The following CD96 variants were observed in gnomAD, a reference collection of about 807,000 sequenced individuals.
CD96 encodes T-cell surface protein tactile.
A neutral mutation model predicts 71.3 loss-of-function variants in CD96; 70 were observed. The observed-to-expected ratio is 0.98, with a 90% confidence interval of 0.81 to 1.20. The LOEUF (loss-of-function observed/expected upper bound fraction) is 1.20, where lower values mean the gene tolerates loss of function less well. Among genes scored for constraint, CD96 ranks in the 50% most tolerant of loss-of-function variants. The probability of loss-of-function intolerance (pLI) is 0.00; values close to 1 mark genes in which losing one functional copy is unlikely to be tolerated. For synonymous variants in CD96, 248 were observed against 233.0 expected, an observed-to-expected ratio of 1.06 and a Z score of -0.59; for missense variants, 742 against 677.5, an observed-to-expected ratio of 1.10 and a Z score of -1.06.
In CD96 at chr3:111,572,784, C is replaced by T. The variant is rs1559728465; in HGVS notation, c.543+5137C>T. On this transcript the variant is annotated intron_variant, in intron 3 of 13. Transcript: ENST00000352690. ...GGAATTTTATAAAAGCTAATTAATT[C>T]AATTATGACCCTCATAGGAAAGGTT... Among the ~76,000 whole-genome samples the T allele has an allele frequency of 2.0e-5, 3 of 152,300 alleles. No homozygotes were observed. The South Asian group carries it at 6.2e-4, about 32-fold the overall frequency.
chr3:111,638,281 A>G, intron 12 of CD96, 113 bp downstream of exon 12: 1 of 767,260 alleles, frequency 1.3e-6, no homozygotes, highest in South Asian at 1.4e-5. Flanking sequence ...TACAGTGAAC[A>G]CACTGGCTTT....
chr3:111,595,242 C>G (rs1937201069), intron 5 of CD96: 1 of 152,232 alleles, frequency 6.6e-6, no homozygotes, highest in African/African-American at 2.4e-5. Flanking sequence ...TTTATTTAAT[C>G]AAGCTCTGCA....
chr3:111,612,936 C>T (rs1371617078), intron 8 of CD96: 1 of 253,392 alleles, frequency 3.9e-6, no homozygotes, highest in Admixed American at 6.5e-5. Context: ...GCCATCAACA[C>T]TATTATCATA....
chr3:111,562,619 A>G (rs1328044721), intron 2 of CD96, among the ~76,000 whole-genome samples: 1 of 152,242 alleles, frequency 6.6e-6, no homozygotes, highest in East Asian at 1.9e-4. Flanking sequence ...TGGTCCAGCC[A>G]TGATTTTGGC....
intron 5 of CD96, 55 bp downstream of exon 5, chr3:111,585,433 G>A: frequency 1.7e-6 from 2 of 1,146,918 alleles, no homozygotes; most frequent in East Asian, 2.4e-5. Flanking sequence ...AGGTGTGTCA[G>A]GTTGCATAGT....
At chr3:111,639,638 TTC>T (rs911900806) in intron 12 of CD96, among the ~76,000 whole-genome samples, 3 of 152,148 alleles carry the variant, frequency 2.0e-5, no homozygotes, top group African/African-American at 7.2e-5. Flanking sequence ...AGCTGATGCT[TTC>T]TGGAGAGCTC....
Position 111,638,068 on chromosome 3 carries a change from T to C in CD96, c.1388-11T>C. On this transcript the variant is annotated splice_polypyrimidine_tract_variant and intron_variant, in intron 11 of 13. Coordinates refer to ENST00000352690, the MANE Select transcript of CD96 (RefSeq NM_005816.5). ...AGATGTCTTGTCCAGATATCCCCTTTATATCCCTAGACAATGTCTTTACCA... is the reference window on the plus strand; with the variant it reads ...AGATGTCTTGTCCAGATATCCCCTTCATATCCCTAGACAATGTCTTTACCA... The C allele has an allele frequency of 1.3e-6, 2 of 1,513,098 alleles. No homozygotes were observed. The highest frequency in any genetic ancestry group is 9.2e-7 in the Non-Finnish European group (1 of 1,088,018). The allele number at this position is 1,513,098 out of a possible 1,614,324, so 93.7% of individuals were successfully genotyped here.
chr3:111,654,543 T>G (rs1940183351), downstream of CD96, among the ~76,000 whole-genome samples: 1 of 152,182 alleles, frequency 6.6e-6, no homozygotes, highest in African/African-American at 2.4e-5. Flanking sequence ...TCCTCCAATC[T>G]CTGTTATCCA....
At position 111,638,100 on chromosome 3, in the gene CD96, C is replaced by T. The variant is rs146409785; in HGVS notation, c.1409C>T (p.Ala470Val). ...TLHDNVFTSTARAFSEVPTTA... is the reference protein window; with the variant it reads ...TLHDNVFTSTVRAFSEVPTTA... ...CTAGACAATGTCTTTACCAGCACAG[C>T]CAGAGCATTTTCAGAAGTCCCCACA... Residue 470 changes from alanine (A) to valine (V), a missense_variant, in exon 12 of 14, where the codon GCC becomes GTC. By Grantham distance (64) the Ala-to-Val change is moderately conservative (BLOSUM62 0). Transcript: ENST00000352690. 1.2e-6 allele frequency: 2 copies of T among 1,607,874 alleles called. No homozygotes were observed. Among genetic ancestry groups the T allele is most frequent in the African/African-American group, 2.7e-5 (2 of 74,882 alleles).
intron 3 of CD96, chr3:111,571,104 T>C: frequency 1.3e-6 from 1 of 762,302 alleles, no homozygotes; most frequent in Non-Finnish European, 2.3e-6. Flanking sequence ...CGGGCATCCC[T>C]CTGAATCCAG....
intron 10 of CD96, 85 bp downstream of exon 10, chr3:111,624,489 G>C (rs1219175615): frequency 3.6e-6 from 3 of 826,538 alleles, no homozygotes; most frequent in Non-Finnish European, 6.4e-6. Context: ...TATGTGCTTT[G>C]TTTGTAATAA....
chr3:111,580,785 G>T (rs900565444), intron 4 of CD96, among the ~76,000 whole-genome samples: 2 of 152,088 alleles, frequency 1.3e-5, no homozygotes, highest in East Asian at 3.9e-4. Context: ...AGTGTCCTGT[G>T]AAGAGTTGGA....
chr3:111,651,358 GC>G lies in CD96; in HGVS notation c.*1553del, dbSNP rs1940067562. 1 of 152,214 alleles carries G rather than the reference GC, an allele frequency of 6.6e-6. No individual in the cohort carries two copies. The highest frequency in any genetic ancestry group is 1.5e-5 in the Non-Finnish European group (1 of 68,098). The allele number at this position is 152,214 out of a possible 1,614,324, so 9.4% of individuals were successfully genotyped here. ...CCAGGATTAAGGGGAGGCAATCAAT[GC>G]ACCTAGGGAAAAAATTTAAGGAGGT... On this transcript the variant is annotated 3_prime_UTR_variant, in exon 14 of 14. Coordinates refer to ENST00000352690, the MANE Select transcript of CD96 (RefSeq NM_005816.5).
chr3:111,646,579 A>G lies in CD96; in HGVS notation c.1478-964A>G, dbSNP rs1293947565. Among the ~76,000 whole-genome samples, 4 of 151,896 alleles carry G rather than the reference A, an allele frequency of 2.6e-5. No individual in the cohort carries two copies. In the South Asian group the frequency reaches 8.3e-4, roughly 32 times the overall value. ...GAAGAAGAAACTGATGCAGGTGAGG[A>G]TGTGGAGAAAAGGGAATGCTTATAC... On this transcript the variant is annotated intron_variant, in intron 12 of 13. Coordinates refer to ENST00000352690, the MANE Select transcript of CD96 (RefSeq NM_005816.5).
chr3:111,638,160 A>G lies in CD96; in HGVS notation c.1469A>G (p.His490Arg). 6.3e-7 allele frequency: 1 copy of G among 1,582,394 alleles called. No homozygotes were observed. The highest frequency in any genetic ancestry group is 8.7e-7 in the Non-Finnish European group (1 of 1,151,068). Residue 490 changes from histidine to arginine, a missense_variant, in exon 12 of 14, where the codon CAT (histidine) becomes CGT (arginine). Coordinates refer to ENST00000352690, the MANE Select transcript of CD96 (RefSeq NM_005816.5). ...ANGSTKTNHVHITGIVVNKPK... is the reference protein window; with the variant it reads ...ANGSTKTNHVRITGIVVNKPK... Reference sequence around the variant, plus strand: ...GGATCTACGAAAACTAATCACGTCCATATCACTGGTAAGTCATTTATCCTA... The same window carrying G: ...GGATCTACGAAAACTAATCACGTCCGTATCACTGGTAAGTCATTTATCCTA...
chr3:111,612,409 A>G (rs960838243), intron 8 of CD96, among the ~76,000 whole-genome samples: 13 of 152,244 alleles, frequency 8.5e-5, no homozygotes, highest in Non-Finnish European at 1.6e-4. Context: ...TAGCAATTAC[A>G]TAAAAATGTT....
chr3:111,615,702 G>A (rs962765555), intron 8 of CD96, among the ~76,000 whole-genome samples: 8 of 152,178 alleles, frequency 5.3e-5, no homozygotes, highest in African/African-American at 1.9e-4. Context: ...AGATACTGAT[G>A]TAAACAAAAC....
Position 111,638,059 on chromosome 3 carries a change from T to G in CD96, c.1388-20T>G, listed in dbSNP as rs576527527. The G allele has an allele frequency of 4.4e-6, 6 of 1,378,030 alleles. No individual in the cohort carries two copies. The highest frequency in any genetic ancestry group is 1.2e-5 in the South Asian group (1 of 86,358). 85.4% of individuals were successfully genotyped at this position (1,378,030 alleles called of 1,614,324 possible). ...ATCAAGTTGAGATGTCTTGTCCAGA[T>G]ATCCCCTTTATATCCCTAGACAATG... On this transcript the variant is annotated intron_variant, in intron 11 of 13. Transcript: ENST00000352690.
chr3:111,647,776 A>C (rs1057291258), intron 13 of CD96, 110 bp downstream of exon 13: 10 of 809,192 alleles, frequency 1.2e-5, no homozygotes, highest in African/African-American at 8.6e-5. Flanking sequence ...TTAATGGGGA[A>C]ATAATGCTCA....
Sources: allele counts gnomAD v4.1 joint callset (sites outside exome capture counted in the v4.1 genomes callset), GRCh38; gene constraint gnomAD v4.1.1; transcripts MANE v1.5; gene names NCBI Gene and HGNC (gene_info 2026-07-23, HGNC 2026-07-21).